The following DNAJB14 variants were observed in gnomAD, a reference collection of about 807,000 sequenced individuals.
The protein encoded by DNAJB14 is DnaJ heat shock protein family (Hsp40) member B14.
Under a neutral mutation model 48.4 loss-of-function variants are expected in DNAJB14, and 22 were observed. The ratio of observed to expected loss-of-function variants is 0.45; its 90% CI spans 0.32 to 0.65. The LOEUF (loss-of-function observed/expected upper bound fraction) is 0.65. Among genes scored for constraint, DNAJB14 ranks in the 30% least tolerant of loss-of-function variants. DNAJB14 has a pLI of 0.03. For synonymous variants in DNAJB14, 142 were observed against 158.7 expected, an observed-to-expected ratio of 0.89 and a Z score of 0.79; for missense variants, 319 against 458.8, an observed-to-expected ratio of 0.70 and a Z score of 2.78.
intron 7 of DNAJB14, among the ~76,000 whole-genome samples, chr4:99,901,857 A>T (rs1417803055): frequency 6.6e-6 from 1 of 152,132 alleles, no homozygotes; most frequent in African/African-American, 2.4e-5. Flanking sequence ...AAGAAGATGT[A>T]ACAGAAAAAG....
chr4:99,934,483 A>G (rs1726594879), intron 1 of DNAJB14, among the ~76,000 whole-genome samples: 1 of 152,088 alleles, frequency 6.6e-6, no homozygotes, highest in Non-Finnish European at 1.5e-5. Flanking sequence ...AGAACAATAT[A>G]TATCAAAATT....
chr4:99,923,753 A>G (rs944430423), intron 2 of DNAJB14: 34 of 958,556 alleles, frequency 3.5e-5, no homozygotes, highest in Non-Finnish European at 4.1e-5. Context: ...GGCTGAGGCT[A>G]GTCTTGAAAT....
chr4:99,932,248 T>C (rs1258423048), intron 1 of DNAJB14, among the ~76,000 whole-genome samples: 1 of 151,900 alleles, frequency 6.6e-6, no homozygotes, highest in African/African-American at 2.4e-5. Flanking sequence ...TGTTTACAAA[T>C]AACATACCTG....
At chr4:99,915,157 C>CTT (rs1725808692) in intron 3 of DNAJB14, among the ~76,000 whole-genome samples, 3 of 152,164 alleles carry the variant, frequency 2.0e-5, no homozygotes, top group African/African-American at 7.2e-5. Context: ...TCTCAGCATT[C>CTT]CTTTAGCTGG....
At position 99,907,320 on chromosome 4, in the gene DNAJB14, A is replaced by C. The variant is rs950551590; in HGVS notation, c.638-709T>G. Among the ~76,000 whole-genome samples, 3 of 152,242 alleles carry C rather than the reference A, an allele frequency of 2.0e-5. 1 individual carries two copies. The South Asian group carries it at 6.2e-4, about 32-fold the overall frequency. ...AACACAGGTTATATTTTCAGTCATT[A>C]ATTTGCATTTATATATCCTCTTTCC... is the stretch of plus-strand genomic sequence containing the variant. On this transcript the variant is annotated intron_variant, in intron 4 of 7. Transcript: ENST00000442697.
chr4:99,928,522 C>T, intron 2 of DNAJB14: 1 of 435,772 alleles, frequency 2.3e-6, no homozygotes, highest in South Asian at 1.6e-5. Flanking sequence ...CCCCACCCCA[C>T]ATATATATAT....
chr4:99,901,306 GA>G (rs1231885078), intron 7 of DNAJB14, among the ~76,000 whole-genome samples, 154 bp from the exon 8 acceptor site: 1 of 151,920 alleles, frequency 6.6e-6, no homozygotes, highest in African/African-American at 2.4e-5. Context: ...ATTTTAGTAG[GA>G]AAAAAATTTT....
chr4:99,940,229 T>C (rs1726840461), intron 1 of DNAJB14, among the ~76,000 whole-genome samples: 1 of 152,208 alleles, frequency 6.6e-6, no homozygotes, highest in Non-Finnish European at 1.5e-5. Flanking sequence ...CAAATAGATT[T>C]TTTCTTTTTC....
intron 3 of DNAJB14, 157 bp downstream of exon 3, chr4:99,922,874 CTTCGGGTAT>C: frequency 1.4e-6 from 1 of 697,362 alleles, no homozygotes; most frequent in East Asian, 3.1e-5. Context: ...ATTTGTTTGC[CTTCGGGTAT>C]AACCAGTTAA....
chr4:99,938,028 C>T (rs1726742438), intron 1 of DNAJB14, among the ~76,000 whole-genome samples: 4 of 139,654 alleles, frequency 2.9e-5, no homozygotes, highest in African/African-American at 5.4e-5. Context: ...GAGGCTGAGG[C>T]AGGCGGATCA....
chr4:99,938,975 T>A (rs1272021431), intron 1 of DNAJB14, among the ~76,000 whole-genome samples: 1 of 152,000 alleles, frequency 6.6e-6, no homozygotes, highest in Non-Finnish European at 1.5e-5. Flanking sequence ...GGAGGAAGTA[T>A]CTCTTTATAT....
At chr4:99,903,957 A>C in intron 6 of DNAJB14, 59 bp from the exon 7 acceptor site, 1 of 1,490,314 alleles carries the variant, frequency 6.7e-7, no homozygotes. Context: ...ATGCTGCTAT[A>C]AACCAAGCAA....
chr4:99,932,636 C>A (rs1286301538), intron 1 of DNAJB14, among the ~76,000 whole-genome samples: 1 of 152,148 alleles, frequency 6.6e-6, no homozygotes, highest in African/African-American at 2.4e-5. Flanking sequence ...TTTGACTCAA[C>A]AATCCCATTC....
intron 2 of DNAJB14, chr4:99,926,741 A>G (rs968086463): frequency 1.4e-5 from 2 of 147,218 alleles, no homozygotes; most frequent in Non-Finnish European, 3.0e-5. Flanking sequence ...ACAGACAAAC[A>G]AAAAAAAAAG....
chr4:99,898,241 C>T lies in DNAJB14; in HGVS notation c.*2787G>A, dbSNP rs1020080167. On this transcript the variant is annotated 3_prime_UTR_variant, in exon 8 of 8. Transcript: ENST00000442697. ...AAAGCTGAGTAGTTTAATGCATTGG[C>T]ATATATATGCCTTAAGGACTGTACT... 5.9e-5 allele frequency: 9 copies of T among 151,960 alleles called. No individual in the cohort carries two copies. Among genetic ancestry groups the T allele is most frequent in the African/African-American group, 2.2e-4 (9 of 41,410 alleles). 9.4% of individuals were successfully genotyped at this position (151,960 alleles called of 1,614,324 possible). A position where few individuals can be genotyped will look rare whatever the true frequency, so the allele number is the denominator to read the frequency against.
At chr4:99,906,696 T>A (rs1232780232) in intron 4 of DNAJB14, 85 bp from the exon 5 acceptor site, 3 of 1,154,050 alleles carry the variant, frequency 2.6e-6, no homozygotes, top group Non-Finnish European at 3.7e-6. Context: ...TCTTTAATTT[T>A]AAAAAATTAC....
At position 99,930,434 on chromosome 4, in the gene DNAJB14, C is replaced by T. The variant is rs1376436248; in HGVS notation, c.305+16G>A. ...ATACCAATTATGATTGAGATGTAAA[C>T]CATATTTATTCCTACCTGAGAACTC... On this transcript the variant is annotated intron_variant, in intron 2 of 7. Coordinates refer to ENST00000442697, the MANE Select transcript of DNAJB14 (RefSeq NM_001031723.4). The T allele has an allele frequency of 6.4e-7, 1 of 1,566,970 alleles. No homozygotes were observed. Among genetic ancestry groups the T allele is most frequent in the Non-Finnish European group, 8.6e-7 (1 of 1,157,436 alleles).
Position 99,923,561 on chromosome 4 carries a change from C to T in DNAJB14, c.306-376G>A, listed in dbSNP as rs190481917. ...TGGATAAATAAATTCCAAAACTCCTCAAAAGTATGTCACAGCTAAGAATGA... is the reference window on the plus strand; with the variant it reads ...TGGATAAATAAATTCCAAAACTCCTTAAAAGTATGTCACAGCTAAGAATGA... On this transcript the variant is annotated intron_variant, in intron 2 of 7. Transcript: ENST00000442697. 1.1e-5 allele frequency: 7 copies of T among 617,488 alleles called. No homozygotes were observed. In the Admixed American group the frequency reaches 4.4e-4, roughly 39 times the overall value. The allele number at this position is 617,488 out of a possible 1,614,324, so 38.3% of individuals were successfully genotyped here.
At position 99,930,449 on chromosome 4, in the gene DNAJB14, C is replaced by T; in HGVS notation, c.305+1G>A. On this transcript the variant is annotated splice_donor_variant, in intron 2 of 7. Transcript: ENST00000442697. LOFTEE classifies it high-confidence loss of function. ...GAGATGTAAACCATATTTATTCCTA[C>T]CTGAGAACTCCATCTACTTGGTCTT... 1 of 1,590,580 alleles carries T rather than the reference C, an allele frequency of 6.3e-7. No individual in the cohort carries two copies. The highest frequency in any genetic ancestry group is 8.6e-7 in the Non-Finnish European group (1 of 1,169,264).
Sources: allele counts gnomAD v4.1 joint callset (sites outside exome capture counted in the v4.1 genomes callset), GRCh38; gene constraint gnomAD v4.1.1; transcripts MANE v1.5; gene names NCBI Gene and HGNC (gene_info 2026-07-23, HGNC 2026-07-21).